HEMK2: variants seen among roughly 807,000 people sequenced by gnomAD.
HEMK2 encodes the protein HemK methyltransferase 2, ETF1 glutamine and histone H4 lysine.
the HEMK2 span, among the ~76,000 whole-genome samples, chr21:28,703,244 T>A: frequency 6.6e-6 from 1 of 151,892 alleles, no homozygotes; most frequent in Non-Finnish European, 1.5e-5. Flanking sequence ...GAAATAATCT[T>A]TACACCAAAC....
chr21:28,786,310 A>G, the HEMK2 span, among the ~76,000 whole-genome samples: 1 of 152,238 alleles, frequency 6.6e-6, no homozygotes, highest in African/African-American at 2.4e-5. Context: ...AAAGTCTAAA[A>G]CATTATTCAC....
the HEMK2 span, among the ~76,000 whole-genome samples, chr21:28,727,121 A>G: frequency 6.6e-6 from 1 of 152,042 alleles, no homozygotes; most frequent in Non-Finnish European, 1.5e-5. Context: ...TAAGCAAGAA[A>G]CTCTGCAAGT....
At chr21:28,610,375 G>A in the HEMK2 span, among the ~76,000 whole-genome samples, 1 of 151,994 alleles carries the variant, frequency 6.6e-6, no homozygotes, top group African/African-American at 2.4e-5. Context: ...CCACTACCAA[G>A]CCAGCACTAT....
chr21:28,763,393 G>A, the HEMK2 span, among the ~76,000 whole-genome samples: 1 of 152,072 alleles, frequency 6.6e-6, no homozygotes, highest in Non-Finnish European at 1.5e-5. Flanking sequence ...AAGCAAGAGA[G>A]AGAGCAAGAG....
At chr21:28,765,301 G>A in the HEMK2 span, among the ~76,000 whole-genome samples, 2 of 152,018 alleles carry the variant, frequency 1.3e-5, no homozygotes, top group Non-Finnish European at 2.9e-5. Flanking sequence ...TATGGTTTCA[G>A]CCTCATGAAG....
At chr21:28,577,719 TAA>T in the HEMK2 span, among the ~76,000 whole-genome samples, 1 of 152,172 alleles carries the variant, frequency 6.6e-6, no homozygotes, top group African/African-American at 2.4e-5. Flanking sequence ...TTATATTTTT[TAA>T]AAAAGTGATT....
chr21:28,811,407 AGG>A, the HEMK2 span, among the ~76,000 whole-genome samples: 1 of 60,084 alleles, frequency 1.7e-5, no homozygotes, highest in East Asian at 1.3e-3. Context: ...CAGAGAAGGA[AGG>A]AAGGAAGGAA....
the HEMK2 span, among the ~76,000 whole-genome samples, chr21:28,884,009 A>C: frequency 3.3e-5 from 5 of 152,162 alleles, no homozygotes; most frequent in Non-Finnish European, 5.9e-5. Context: ...GACAAGCTCC[A>C]GAGGTTTTAA....
At chr21:28,856,186 G>C in the HEMK2 span, among the ~76,000 whole-genome samples, 1 of 152,236 alleles carries the variant, frequency 6.6e-6, no homozygotes, top group South Asian at 2.1e-4. Context: ...AGGCCAAGGA[G>C]GGTGGATCAC....
the HEMK2 span, among the ~76,000 whole-genome samples, chr21:28,777,877 A>G: frequency 6.6e-6 from 1 of 152,216 alleles, no homozygotes; most frequent in Non-Finnish European, 1.5e-5. Context: ...TTCTAAAGAA[A>G]ATTTCCTAAA....
the HEMK2 span, among the ~76,000 whole-genome samples, chr21:28,608,591 T>C: frequency 6.6e-6 from 1 of 152,158 alleles, no homozygotes; most frequent in South Asian, 2.1e-4. Flanking sequence ...TATTGCAGGC[T>C]CTGTGAGACA....
the HEMK2 span, among the ~76,000 whole-genome samples, chr21:28,699,205 T>C: frequency 1.3e-5 from 2 of 152,200 alleles, no homozygotes; most frequent in Admixed American, 1.3e-4. Flanking sequence ...TACATGACTG[T>C]CTTAGTCTGT....
the HEMK2 span, chr21:28,878,112 T>G: frequency 1.6e-6 from 2 of 1,270,458 alleles, no homozygotes; most frequent in African/African-American, 1.6e-5. Flanking sequence ...CCAGGTTATC[T>G]TATAAATTAA....
chr21:28,661,931 TGTTA>T, the HEMK2 span, among the ~76,000 whole-genome samples: 1 of 152,176 alleles, frequency 6.6e-6, no homozygotes, highest in Admixed American at 6.5e-5. Flanking sequence ...ATTCTCTCTC[TGTTA>T]GTTAGGATGT....
the HEMK2 span, among the ~76,000 whole-genome samples, chr21:28,803,199 C>T: frequency 2.0e-5 from 3 of 152,172 alleles, no homozygotes; most frequent in South Asian, 2.1e-4. Flanking sequence ...TCATTTCCCT[C>T]GATTTCACAT....
At chr21:28,643,514 G>A in the HEMK2 span, among the ~76,000 whole-genome samples, 6 of 152,034 alleles carry the variant, frequency 3.9e-5, no homozygotes, top group Non-Finnish European at 7.4e-5. Context: ...CCCTTCTCTA[G>A]AGAAAAAAAT....
the HEMK2 span, among the ~76,000 whole-genome samples, chr21:28,576,074 GTA>G: frequency 6.6e-6 from 1 of 152,134 alleles, no homozygotes. Flanking sequence ...TTTTTTATGA[GTA>G]TATGTTTTCA....
the HEMK2 span, among the ~76,000 whole-genome samples, chr21:28,860,471 C>T: frequency 6.7e-6 from 1 of 148,346 alleles, no homozygotes; most frequent in Non-Finnish European, 1.5e-5. Flanking sequence ...ATATATATAA[C>T]ATATATAATA....
At chr21:28,831,478 A>C in the HEMK2 span, among the ~76,000 whole-genome samples, 597 of 47,282 alleles carry the variant, frequency 0.013, 16 homozygotes, top group Admixed American at 0.025. Flanking sequence ...AAAGAAAGAA[A>C]GAAAGAAAGA....
Sources: gnomAD v4.1 joint callset for allele counts (sites outside exome capture counted in the v4.1 genomes callset) on GRCh38, gnomAD v4.1.1 for gene constraint, MANE v1.5 for transcripts, NCBI Gene and HGNC (gene_info 2026-07-23, HGNC 2026-07-21) for gene names.